Variants in PARM1 observed in about 807,000 individuals in gnomAD.
PARM1 encodes prostate androgen-regulated mucin-like protein 1.
In PARM1, 14 loss-of-function variants were observed where a neutral mutation model predicts 24.6. The observed-to-expected ratio is 0.57, with a 90% CI of 0.38 to 0.89. The LOEUF (loss-of-function observed/expected upper bound fraction) is 0.89, where lower values mean the gene tolerates loss of function less well. Ranked by LOEUF, PARM1 falls within the 40% of genes least tolerant of loss-of-function variation. The pLI, the probability that PARM1 is intolerant of heterozygous loss-of-function variation, is 0.00. For missense variants in PARM1, 362 were observed against 380.4 expected (o/e 0.95, Z 0.40); for synonymous variants, 179 against 156.6 (o/e 1.14, Z -1.07).
intron 1 of PARM1, among the ~76,000 whole-genome samples, chr4:74,979,916 A>G (rs1722215203): frequency 6.6e-6 from 1 of 152,214 alleles, no homozygotes; most frequent in African/African-American, 2.4e-5. Flanking sequence ...AAAATTCAAC[A>G]TCCCTTCATG....
chr4:74,949,031 C>A (rs1054722974), intron 1 of PARM1, among the ~76,000 whole-genome samples: 1 of 151,492 alleles, frequency 6.6e-6, no homozygotes, highest in East Asian at 1.9e-4. Context: ...CAAAAAAAAA[C>A]AAAAAACAAA....
intron 3 of PARM1, among the ~76,000 whole-genome samples, chr4:75,041,192 A>AAT (rs1723476118): frequency 6.6e-6 from 1 of 152,236 alleles, no homozygotes; most frequent in South Asian, 2.1e-4. Context: ...GTTTTCAATG[A>AAT]ATACTTAAAG....
At chr4:74,969,750 A>G (rs138120068) in intron 1 of PARM1, 3 of 152,388 alleles carry the variant, frequency 2.0e-5, no homozygotes, top group Non-Finnish European at 2.9e-5. Flanking sequence ...CTCTCCCACC[A>G]TGGACAGCTG....
chr4:75,016,056 C>A (rs932300844), intron 2 of PARM1, among the ~76,000 whole-genome samples: 1 of 152,140 alleles, frequency 6.6e-6, no homozygotes, highest in Non-Finnish European at 1.5e-5. Flanking sequence ...CAACAAATAT[C>A]TAAACACAGT....
chr4:74,972,573 T>C (rs777927355), intron 1 of PARM1, among the ~76,000 whole-genome samples: 137 of 152,338 alleles, frequency 9.0e-4, no homozygotes, highest in Non-Finnish European at 1.6e-3. Context: ...TAGTAGTATA[T>C]GAGTTTTGAC....
intron 1 of PARM1, among the ~76,000 whole-genome samples, chr4:74,974,176 G>A (rs1425431072): frequency 6.6e-6 from 1 of 152,236 alleles, no homozygotes; most frequent in African/African-American, 2.4e-5. Context: ...GCTCGCCACG[G>A]ATTGGATGAT....
At chr4:75,024,132 C>T (rs1328134861) in intron 2 of PARM1, among the ~76,000 whole-genome samples, 3 of 151,946 alleles carry the variant, frequency 2.0e-5, no homozygotes, top group African/African-American at 4.8e-5. Flanking sequence ...ATTAGCCTGG[C>T]GTGGTAGCGG....
chr4:74,933,477 C>G, intron 1 of PARM1, 107 bp downstream of exon 1: 1 of 963,650 alleles, frequency 1.0e-6, no homozygotes, highest in Non-Finnish European at 1.7e-6. Context: ...CGCCGCGCGC[C>G]TCCGGGTGAG....
chr4:74,969,370 A>C (rs755478553), intron 1 of PARM1: 18 of 152,266 alleles, frequency 1.2e-4, no homozygotes, highest in Non-Finnish European at 2.5e-4. Context: ...CTTAAATGCC[A>C]GAAAATATAG....
chr4:74,953,246 G>A (rs1259814291), intron 1 of PARM1, among the ~76,000 whole-genome samples: 1 of 152,084 alleles, frequency 6.6e-6, no homozygotes, highest in Non-Finnish European at 1.5e-5. Flanking sequence ...TCCTTTATAG[G>A]AGATTTAACT....
At chr4:74,951,992 A>G (rs892070402) in intron 1 of PARM1, among the ~76,000 whole-genome samples, 11 of 152,250 alleles carry the variant, frequency 7.2e-5, no homozygotes, top group African/African-American at 2.7e-4. Context: ...TTCTGGATCT[A>G]GATCCTTAAG....
chr4:74,976,113 G>A (rs568663530), intron 1 of PARM1, among the ~76,000 whole-genome samples: 1 of 152,226 alleles, frequency 6.6e-6, no homozygotes, highest in African/African-American at 2.4e-5. Flanking sequence ...TGCCATCAGG[G>A]CCTTGGATCC....
In PARM1 at chr4:75,013,026, A is replaced by G. The variant is rs1062293; in HGVS notation, c.645A>G (p.Val215=). 796,921 of 1,613,638 alleles carry G rather than the reference A, an allele frequency of 0.49. 200,647 individuals are homozygous for G. The highest frequency in any genetic ancestry group is 0.52 in the South Asian group (47,433 of 91,076). ...TPTSHATAEP[V]PQEKTPPTTV... ...CTTCACATGCCACAGCTGAGCCAGT[A>G]CCCCAGGAGAAAACACCCCCAACAA... is the stretch of plus-strand genomic sequence containing the variant. Residue 215 remains valine (V), a synonymous_variant, in exon 2 of 4, where the codon GTA becomes GTG. Transcript: ENST00000307428.
chr4:75,020,761 C>G (rs1009239758), intron 2 of PARM1, among the ~76,000 whole-genome samples: 1 of 152,146 alleles, frequency 6.6e-6, no homozygotes, highest in African/African-American at 2.4e-5. Context: ...CCTGTGTCTC[C>G]CTCTTGACTT....
At chr4:74,973,928 G>T (rs961937518) in intron 1 of PARM1, among the ~76,000 whole-genome samples, 1 of 152,108 alleles carries the variant, frequency 6.6e-6, no homozygotes, top group Non-Finnish European at 1.5e-5. Context: ...TTATTGTAAA[G>T]AATTGGCTCG....
At chr4:74,936,745 G>A (rs928300441) in intron 1 of PARM1, among the ~76,000 whole-genome samples, 17 of 152,054 alleles carry the variant, frequency 1.1e-4, no homozygotes, top group Non-Finnish European at 1.0e-4. Flanking sequence ...GTGAGCCACC[G>A]CGCCCGGGCA....
At chr4:74,939,555 T>G (rs1457370139) in intron 1 of PARM1, among the ~76,000 whole-genome samples, 1 of 145,658 alleles carries the variant, frequency 6.9e-6, no homozygotes, top group Non-Finnish European at 1.5e-5. Flanking sequence ...ACTGAAAGCT[T>G]TGAATTTCAG....
intron 1 of PARM1, among the ~76,000 whole-genome samples, chr4:74,953,001 CA>C (rs1369856121): frequency 1.3e-5 from 2 of 152,090 alleles, no homozygotes; most frequent in African/African-American, 4.8e-5. Flanking sequence ...TTTTCTGGAG[CA>C]TCTAAAATTC....
chr4:74,949,018 T>A (rs1297166777), intron 1 of PARM1, among the ~76,000 whole-genome samples: 1 of 151,504 alleles, frequency 6.6e-6, no homozygotes, highest in East Asian at 1.9e-4. Flanking sequence ...CGAGACTCTG[T>A]CTCAAAAAAA....
Sources: gnomAD v4.1 joint callset for allele counts (sites outside exome capture counted in the v4.1 genomes callset) on GRCh38, gnomAD v4.1.1 for gene constraint, MANE v1.5 for transcripts, NCBI Gene and HGNC (gene_info 2026-07-23, HGNC 2026-07-21) for gene names.